The following MINK1 variants were observed in gnomAD, a reference collection of about 807,000 sequenced individuals.
MINK1 encodes the protein misshapen like kinase 1, also known as misshapen-like kinase 1.
MINK1 carries 46 observed loss-of-function variants against 178.4 expected under a neutral mutation model. The ratio of observed to expected loss-of-function variants is 0.26; its 90% CI spans 0.20 to 0.33. The LOEUF is 0.33. MINK1 is among the 10% of genes least tolerant of loss of function. MINK1 has a pLI of 1.00. For missense variants in MINK1, 1,366 were observed against 1,814.9 expected, an observed-to-expected ratio of 0.75 and a Z score of 4.49; for synonymous variants, 797 against 709.7, an observed-to-expected ratio of 1.12 and a Z score of -1.96.
intron 4 of MINK1, among the ~76,000 whole-genome samples, chr17:4,882,163 G>A (rs1009676997): frequency 2.5e-4 from 38 of 152,314 alleles, no homozygotes; most frequent in African/African-American, 8.4e-4. Context: ...ATTAGTGGCC[G>A]GGCGCCCCCT....
rs1968469213 is a variant in MINK1 at position 4,888,727 on chromosome 17, CTT to C, written c.1231-919_1231-918del. Among the ~76,000 whole-genome samples, 4 of 106,416 alleles carry C rather than the reference CTT, an allele frequency of 3.8e-5. No homozygotes were observed. In the South Asian group the frequency reaches 1.3e-3, roughly 34 times the overall value. The allele number at this position is 106,416 out of a possible 152,430, so 69.8% of individuals were successfully genotyped here. A position where few individuals can be genotyped will look rare whatever the true frequency, so the allele number is the denominator to read the frequency against. ...TTTTTTTTTGAGATGGAGTTTTGCT[CTT>C]GTTGCCCAGGGTGACGAGTGCAGTG... is the stretch of plus-strand genomic sequence containing the variant. On this transcript the variant is annotated intron_variant, in intron 12 of 31. Transcript: ENST00000355280.
chr17:4,843,867 A>G (rs755166287), intron 1 of MINK1, among the ~76,000 whole-genome samples: 2 of 152,138 alleles, frequency 1.3e-5, no homozygotes, highest in Admixed American at 6.6e-5. Flanking sequence ...CTGGGCTGCC[A>G]TGCTGTTGGA....
intron 1 of MINK1, among the ~76,000 whole-genome samples, chr17:4,864,150 G>C (rs904410909): frequency 2.7e-4 from 41 of 149,854 alleles, no homozygotes; most frequent in African/African-American, 8.8e-4. Flanking sequence ...CTGTAATCCC[G>C]GCACTTTGGG....
At chr17:4,848,243 G>A (rs529997010) in intron 1 of MINK1, among the ~76,000 whole-genome samples, 4 of 152,230 alleles carry the variant, frequency 2.6e-5, no homozygotes, top group African/African-American at 7.2e-5. Flanking sequence ...CTGGAATGGG[G>A]GACCTTCCCC....
chr17:4,888,140 C>T (rs372455243), intron 12 of MINK1, among the ~76,000 whole-genome samples: 67 of 151,434 alleles, frequency 4.4e-4, no homozygotes, highest in African/African-American at 1.4e-3. Flanking sequence ...TGCTTGAACC[C>T]GGGAGGCGGA....
chr17:4,893,055 A>C lies in MINK1; in HGVS notation c.2388A>C (p.Pro796=), dbSNP rs747784815. The C allele has an allele frequency of 5.1e-6, 8 of 1,565,342 alleles. No individual in the cohort carries two copies. The highest frequency in any genetic ancestry group is 6.0e-6 in the Non-Finnish European group (7 of 1,157,194). Residue 796 remains proline, a synonymous_variant, in exon 20 of 32, where the codon CCA becomes CCC. Coordinates refer to ENST00000355280, the MANE Select transcript of MINK1 (RefSeq NM_153827.5). ...KAKPDDHRSR[P]GRPADFVLLK... is the part of the protein sequence containing the mutation. ...AGCCCGACGACCACCGCTCACGGCCAGGCCGGCCCGCAGTGAGTCACCTGG... is the reference window on the plus strand; with the variant it reads ...AGCCCGACGACCACCGCTCACGGCCCGGCCGGCCCGCAGTGAGTCACCTGG...
At position 4,887,670 on chromosome 17, in the gene MINK1, A is replaced by ACAGCAGCAGCAGCTGCAG. The variant is rs762282607; in HGVS notation, c.1124_1141dup (p.Leu375_Gln380dup). ...ATAAGAGCAACTCAGAGGCTTTAAAACAGCAGCAGCAGCTGCAGCAGCAGC... is the reference window on the plus strand; with the variant it reads ...ATAAGAGCAACTCAGAGGCTTTAAAACAGCAGCAGCAGCTGCAGCAGCAGCAGCAGCTGCAGCAGCAGC... On this transcript the variant is annotated inframe_insertion, in exon 12 of 32. Transcript: ENST00000355280. The surrounding 1 kb of genome is among the most constrained non-coding windows in gnomAD (Gnocchi z 7.6). The ACAGCAGCAGCAGCTGCAG allele has an allele frequency of 4.1e-5, 64 of 1,566,614 alleles. No individual in the cohort carries two copies. The highest frequency in any genetic ancestry group is 3.3e-4 in the Middle Eastern group (2 of 6,018).
Position 4,890,668 on chromosome 17 carries a change from A to T in MINK1, c.1499A>T (p.Asp500Val). The T allele has an allele frequency of 1.3e-6, 2 of 1,551,276 alleles. No homozygotes were observed. Among genetic ancestry groups the T allele is most frequent in the Non-Finnish European group, 1.7e-6 (2 of 1,147,146 alleles). The change falls in exon 14 of 32, where the codon GAC becomes GTC. Residue 500 changes from aspartate (D) to valine (V), a missense_variant. By Grantham distance (152) the Asp-to-Val change is radical (BLOSUM62 -3). This residue lies in a region of MINK1 where 709 missense variants were observed against 692.3 expected (regional missense o/e 1.02). Transcript: ENST00000355280. ...CAGCAGCAGCAGCTCCTGCCTGGGG[A>T]CAGGAAGCCCCTGTACCATTATGGT... ...KQQQQQLLPGDRKPLYHYGRG... is the reference protein window; with the variant it reads ...KQQQQQLLPGVRKPLYHYGRG...
chr17:4,891,742 G>T (rs982553735), intron 16 of MINK1, 26 bp downstream of exon 16: 1 of 1,581,170 alleles, frequency 6.3e-7, no homozygotes, highest in South Asian at 1.2e-5. Flanking sequence ...CAGGCCCAGG[G>T]AAAAGCAGAG....
intron 1 of MINK1, among the ~76,000 whole-genome samples, chr17:4,851,551 C>T (rs570960718): frequency 1.3e-5 from 2 of 152,268 alleles, no homozygotes; most frequent in South Asian, 2.1e-4. Context: ...AGCCTCTGCC[C>T]GTTTCCTTCT....
intron 1 of MINK1, chr17:4,861,616 C>A: frequency 4.1e-6 from 1 of 245,892 alleles, no homozygotes; most frequent in Non-Finnish European, 8.7e-6. Context: ...TTCTCCTGCC[C>A]CAGCCTCCCT....
intron 15 of MINK1, 117 bp downstream of exon 15, chr17:4,891,241 C>A (rs1188583772): frequency 1.4e-5 from 16 of 1,166,744 alleles, no homozygotes; most frequent in Admixed American, 2.9e-5. Context: ...CAGCCGTGAG[C>A]CAGGATTACA....
chr17:4,890,509 G>T lies in MINK1; in HGVS notation c.1348-8G>T, dbSNP rs1463382742. The T allele has an allele frequency of 2.5e-6, 4 of 1,582,338 alleles. No individual in the cohort carries two copies. The Admixed American group carries it at 5.4e-5, about 22-fold the overall frequency. ...TGCTGAGCCCTCTCTCCCTACCCTT[G>T]GGCCCAGGAATACAAGCGGAAGCAG... On this transcript the variant is annotated splice_region_variant and splice_polypyrimidine_tract_variant and intron_variant, in intron 13 of 31. Transcript: ENST00000355280.
rs778719799 is a variant in MINK1, at chr17:4,871,797, A to G, written c.58-6520A>G. ...CATTTTACATTCCCAGCAGCAGTGT[A>G]TGACAATTTCAGTTTCTCCATGCCC... On this transcript the variant is annotated intron_variant, in intron 1 of 31. Transcript: ENST00000355280. 1.9e-4 allele frequency among the ~76,000 whole-genome samples: 29 copies of G among 152,292 alleles called. 1 individual carries two copies. Among genetic ancestry groups the G allele is most frequent in the Admixed American group, 1.5e-3 (23 of 15,284 alleles).
intron 2 of MINK1, among the ~76,000 whole-genome samples, chr17:4,880,000 C>T (rs1967546893): frequency 6.6e-6 from 1 of 152,216 alleles, no homozygotes; most frequent in South Asian, 2.1e-4. Flanking sequence ...CCTCCTTCTC[C>T]TACTGCCTCC....
At chr17:4,892,266 G>T (rs1968903991) in intron 17 of MINK1, 32 bp downstream of exon 17, 5 of 1,541,962 alleles carry the variant, frequency 3.2e-6, no homozygotes, top group Non-Finnish European at 4.4e-6. Flanking sequence ...GCCTGGGTGA[G>T]GTCTGAGGGC....
At chr17:4,880,423 T>C (rs543675549) in intron 2 of MINK1, among the ~76,000 whole-genome samples, 1 of 150,014 alleles carries the variant, frequency 6.7e-6, no homozygotes, top group South Asian at 2.1e-4. Context: ...GTAGCTGGGA[T>C]TATAGGCGCC....
intron 2 of MINK1, among the ~76,000 whole-genome samples, chr17:4,879,363 T>G (rs1967492876): frequency 6.6e-6 from 1 of 152,222 alleles, no homozygotes; most frequent in African/African-American, 2.4e-5. Context: ...TGCTTGATAC[T>G]GTCACAAGTC....
Position 4,885,986 on chromosome 17 carries a change from G to C in MINK1, c.694+21G>C. On this transcript the variant is annotated intron_variant, in intron 8 of 31. Coordinates refer to ENST00000355280, the MANE Select transcript of MINK1 (RefSeq NM_153827.5). The surrounding 1 kb of genome is among the most constrained non-coding windows in gnomAD (Gnocchi z 5.0). Reference sequence around the variant, plus strand: ...CCCCCGTAAGTTCTGAGTCTGCCGGGAGTGGGAGGGGAGGGAAAGGAAGGG... The same window carrying C: ...CCCCCGTAAGTTCTGAGTCTGCCGGCAGTGGGAGGGGAGGGAAAGGAAGGG... 6.2e-7 allele frequency: 1 copy of C among 1,613,738 alleles called. No individual in the cohort carries two copies. Among genetic ancestry groups the C allele is most frequent in the South Asian group, 1.1e-5 (1 of 91,078 alleles).
Sources: gnomAD v4.1 joint callset for allele counts (sites outside exome capture counted in the v4.1 genomes callset) on GRCh38, gnomAD v4.1.1 for gene constraint, gnomAD v4.1.1 regional missense constraint, Gnocchi (gnomAD v3.1) non-coding constraint, MANE v1.5 for transcripts, NCBI Gene and HGNC (gene_info 2026-07-23, HGNC 2026-07-21) for gene names.